Variants in WDFY3 observed in about 807,000 individuals in gnomAD.
WDFY3 encodes the protein WD repeat and FYVE domain containing 3.
A neutral mutation model predicts 409.6 loss-of-function variants in WDFY3; 66 were observed. That is an observed-to-expected ratio of 0.16 (90% CI 0.13 to 0.20). The LOEUF (loss-of-function observed/expected upper bound fraction) is 0.20. WDFY3 is among the 10% of genes least tolerant of loss of function. The pLI, the probability that WDFY3 is intolerant of heterozygous loss-of-function variation, is 1.00. For synonymous variants in WDFY3, 1,521 were observed against 1,537.1 expected (o/e 0.99, Z 0.25); for missense variants, 3,031 against 4,298.1 (o/e 0.71, Z 8.24).
At chr4:84,726,936 A>G in intron 44 of WDFY3, 25 bp from the exon 45 acceptor site, 1 of 1,568,570 alleles carries the variant, frequency 6.4e-7, no homozygotes. Context: ...TTAAGTATAG[A>G]CATATCAGAA....
intron 42 of WDFY3, 69 bp from the exon 43 acceptor site, chr4:84,735,189 G>T: frequency 7.3e-7 from 1 of 1,379,148 alleles, no homozygotes; most frequent in South Asian, 1.2e-5. Context: ...AATTACCCTT[G>T]AAATTAATGC....
chr4:84,876,682 T>C (rs934599952), intron 3 of WDFY3, among the ~76,000 whole-genome samples: 8 of 151,636 alleles, frequency 5.3e-5, no homozygotes, highest in African/African-American at 1.9e-4. Flanking sequence ...GAATAATAAA[T>C]GTTAAAAAAA....
At chr4:84,900,302 T>A (rs1366416671) in intron 2 of WDFY3, among the ~76,000 whole-genome samples, 1 of 152,118 alleles carries the variant, frequency 6.6e-6, no homozygotes, top group African/African-American at 2.4e-5. Context: ...CATAGCTCAC[T>A]GCACCCTCGA....
chr4:84,902,919 A>C (rs1304701048), intron 2 of WDFY3, among the ~76,000 whole-genome samples: 1 of 152,218 alleles, frequency 6.6e-6, no homozygotes, highest in Non-Finnish European at 1.5e-5. Flanking sequence ...AAGCCTAACA[A>C]ATAGCTTCTA....
intron 32 of WDFY3, among the ~76,000 whole-genome samples, chr4:84,762,279 A>G (rs976042569): frequency 1.3e-5 from 2 of 151,994 alleles, no homozygotes; most frequent in African/African-American, 2.4e-5. Flanking sequence ...AATACTATGC[A>G]GCCATAAAAA....
intron 56 of WDFY3, among the ~76,000 whole-genome samples, chr4:84,698,710 T>C (rs1344474401): frequency 6.6e-6 from 1 of 152,174 alleles, no homozygotes; most frequent in Non-Finnish European, 1.5e-5. Context: ...TTTTTTTCTT[T>C]TGAGACAGAG....
At chr4:84,826,325 G>GAAGACGTGTATGTTATATGCAAATAAC (rs1754857761) in intron 10 of WDFY3, among the ~76,000 whole-genome samples, 1 of 152,136 alleles carries the variant, frequency 6.6e-6, no homozygotes, top group South Asian at 2.1e-4. Flanking sequence ...AAGTATATGG[G>GAAGACGTGTATGTTATATGCAAATAAC]AAGACGTGTA....
chr4:84,696,198 T>A lies in WDFY3; in HGVS notation c.8689-16A>T. 1 of 1,613,060 alleles carries A rather than the reference T, an allele frequency of 6.2e-7. No homozygotes were observed. The highest frequency in any genetic ancestry group is 8.5e-7 in the Non-Finnish European group (1 of 1,179,360). ...ACTCCAAAGCCTGTAATTTCAAACA[T>A]AGGTTTAGTCACTGGCTGACTTCTA... On this transcript the variant is annotated splice_polypyrimidine_tract_variant and intron_variant, in intron 57 of 67. Coordinates refer to ENST00000295888, the MANE Select transcript of WDFY3 (RefSeq NM_014991.6).
intron 49 of WDFY3, among the ~76,000 whole-genome samples, chr4:84,715,839 G>A (rs1733804631): frequency 6.7e-6 from 1 of 149,296 alleles, no homozygotes; most frequent in African/African-American, 2.5e-5. Flanking sequence ...TGAATTCCCT[G>A]CAGATTAAGC....
intron 2 of WDFY3, among the ~76,000 whole-genome samples, chr4:84,903,990 T>C (rs1273377487): frequency 2.0e-5 from 3 of 152,072 alleles, no homozygotes; most frequent in African/African-American, 7.2e-5. Context: ...TAAAATCCCA[T>C]CTCTCCCAAT....
At chr4:84,760,651 A>C (rs1742391812) in intron 32 of WDFY3, among the ~76,000 whole-genome samples, 1 of 151,836 alleles carries the variant, frequency 6.6e-6, no homozygotes, top group Non-Finnish European at 1.5e-5. Flanking sequence ...TGGTGGTGAT[A>C]TCCCCTTTAT....
chr4:84,951,010 C>A (rs1030847484), intron 1 of WDFY3, among the ~76,000 whole-genome samples: 7 of 152,218 alleles, frequency 4.6e-5, no homozygotes, highest in Non-Finnish European at 7.3e-5. Flanking sequence ...AAACTACTCC[C>A]TATTCATTAA....
intron 61 of WDFY3, among the ~76,000 whole-genome samples, 161 bp downstream of exon 61, chr4:84,690,345 C>CA (rs1553916808): frequency 6.6e-6 from 1 of 150,452 alleles, no homozygotes; most frequent in Non-Finnish European, 1.5e-5. Context: ...TTCTGATTTC[C>CA]TTTTTTTTTC....
chr4:84,921,641 C>T (rs911255468), intron 2 of WDFY3, among the ~76,000 whole-genome samples: 3 of 124,564 alleles, frequency 2.4e-5, no homozygotes, highest in Middle Eastern at 4.5e-3. Context: ...GTCTCTATTG[C>T]TTTCATTTTT....
chr4:84,793,574 A>AAAGC (rs1748877222), intron 21 of WDFY3, among the ~76,000 whole-genome samples: 1 of 152,234 alleles, frequency 6.6e-6, no homozygotes, highest in South Asian at 2.1e-4. Context: ...GATAGAAGAG[A>AAAGC]AAGCGATTGA....
Position 84,709,040 on chromosome 4 carries a change from T to A in WDFY3, c.8098-12A>T, listed in dbSNP as rs775620941. 6.2e-7 allele frequency: 1 copy of A among 1,613,074 alleles called. No individual in the cohort carries two copies. The highest frequency in any genetic ancestry group is 8.5e-7 in the Non-Finnish European group (1 of 1,179,620). On this transcript the variant is annotated splice_polypyrimidine_tract_variant and intron_variant, in intron 52 of 67. Transcript: ENST00000295888. Reference sequence around the variant, plus strand: ...CTGATTTCACCTCTCTGGAAAAAGATAAATATTCATTTTTGAGCTATCGAT... The same window carrying A: ...CTGATTTCACCTCTCTGGAAAAAGAAAAATATTCATTTTTGAGCTATCGAT...
chr4:84,674,169 C>T (rs893489148), intron 67 of WDFY3, among the ~76,000 whole-genome samples: 6 of 152,112 alleles, frequency 3.9e-5, no homozygotes, highest in Non-Finnish European at 8.8e-5. Context: ...CATTTAATAG[C>T]AATGGATAAT....
At chr4:84,918,350 A>G (rs1768784322) in intron 2 of WDFY3, among the ~76,000 whole-genome samples, 2 of 152,140 alleles carry the variant, frequency 1.3e-5, no homozygotes, top group Non-Finnish European at 1.5e-5. Context: ...CACACAAAAG[A>G]ATGATGACGA....
chr4:84,728,405 C>G (rs1310304898), intron 44 of WDFY3, among the ~76,000 whole-genome samples: 1 of 152,038 alleles, frequency 6.6e-6, no homozygotes, highest in Non-Finnish European at 1.5e-5. Context: ...TGGTGCATGA[C>G]TGTAATTCCA....
Sources: allele counts gnomAD v4.1 joint callset (sites outside exome capture counted in the v4.1 genomes callset), GRCh38; gene constraint gnomAD v4.1.1; transcripts MANE v1.5; gene names NCBI Gene and HGNC (gene_info 2026-07-23, HGNC 2026-07-21).